Variants in GTF2I observed in about 807,000 individuals in gnomAD.
The protein encoded by GTF2I is general transcription factor II-I.
In GTF2I, 12 loss-of-function variants were observed where a neutral mutation model predicts 67.6. The ratio of observed to expected loss-of-function variants is 0.18; its 90% CI spans 0.11 to 0.29. The LOEUF (loss-of-function observed/expected upper bound fraction) is 0.29, where lower values mean the gene tolerates loss of function less well. GTF2I is among the 10% of genes least tolerant of loss of function. The probability of loss-of-function intolerance (pLI) is 1.00; values close to 1 mark genes in which losing one functional copy is unlikely to be tolerated. For synonymous variants in GTF2I, 149 were observed against 197.0 expected, an observed-to-expected ratio of 0.76 and a Z score of 2.04; for missense variants, 271 against 580.1, an observed-to-expected ratio of 0.47 and a Z score of 5.47.
chr7:74,690,908 C>T, intron 2 of GTF2I, 65 bp from the exon 3 acceptor site: 1 of 1,444,446 alleles, frequency 6.9e-7, no homozygotes, highest in Admixed American at 2.2e-5. Context: ...TTTTTTAATT[C>T]ATCGAGCAGA....
chr7:74,713,657 G>T (rs1316684515), intron 9 of GTF2I, among the ~76,000 whole-genome samples: 1 of 152,068 alleles, frequency 6.6e-6, no homozygotes, highest in Non-Finnish European at 1.5e-5. Flanking sequence ...CTTAATGAGG[G>T]CCTCATTAAA....
chr7:74,726,899 A>AATAGATAGATAG lies in GTF2I; in HGVS notation c.944-1853_944-1842dup, dbSNP rs57432289. The AATAGATAGATAG allele has an allele frequency of 2.0e-3, 290 of 146,564 alleles. 1 individual carries two copies. Among genetic ancestry groups the AATAGATAGATAG allele is most frequent in the African/African-American group, 2.8e-3 (110 of 39,384 alleles). The allele number at this position is 146,564 out of a possible 1,614,324, so 9.1% of individuals were successfully genotyped here. ...TAGATAGATAGAATGAGACCCTGCC[A>AATAGATAGATAG]ATAGATAGATAGATAGATAGATAGA... On this transcript the variant is annotated intron_variant, in intron 12 of 34. Transcript: ENST00000573035.
intron 26 of GTF2I, among the ~76,000 whole-genome samples, chr7:74,750,622 G>A (rs1265922647): frequency 7.2e-5 from 1 of 13,926 alleles, no homozygotes; most frequent in Non-Finnish European, 1.3e-4. Context: ...TTTTTTTTTT[G>A]TGAGACAGAA....
chr7:74,670,540 T>A (rs1805356242), intron 1 of GTF2I, among the ~76,000 whole-genome samples: 1 of 151,806 alleles, frequency 6.6e-6, no homozygotes, highest in Non-Finnish European at 1.5e-5. Flanking sequence ...CTACTAAAAA[T>A]ACAAAAAATT....
chr7:74,726,894 C>T (rs1793871722), intron 12 of GTF2I: 1 of 134,880 alleles, frequency 7.4e-6, no homozygotes. Flanking sequence ...GAATGAGACC[C>T]TGCCAATAGA....
intron 2 of GTF2I, among the ~76,000 whole-genome samples, chr7:74,689,609 C>T (rs587646636): frequency 2.6e-5 from 4 of 152,074 alleles, no homozygotes; most frequent in African/African-American, 4.8e-5. Flanking sequence ...CTGCCTCAGC[C>T]GCCCAAAGTG....
chr7:74,677,806 G>T (rs1424613867), intron 1 of GTF2I, among the ~76,000 whole-genome samples: 1 of 133,566 alleles, frequency 7.5e-6, no homozygotes, highest in Non-Finnish European at 1.6e-5. Context: ...AGTAAATTTG[G>T]GTTTTACAGT....
intron 12 of GTF2I, among the ~76,000 whole-genome samples, chr7:74,726,015 A>G (rs1446889925): frequency 6.6e-6 from 1 of 152,100 alleles, no homozygotes; most frequent in African/African-American, 2.4e-5. Context: ...TTGGATTTGG[A>G]CTGAGATCCA....
At chr7:74,707,325 C>G (rs1370386458) in intron 8 of GTF2I, among the ~76,000 whole-genome samples, 1 of 152,222 alleles carries the variant, frequency 6.6e-6, no homozygotes, top group African/African-American at 2.4e-5. Flanking sequence ...CTGTCACCGC[C>G]CTGCCTGCCC....
intron 1 of GTF2I, among the ~76,000 whole-genome samples, chr7:74,682,325 T>G (rs913144951): frequency 6.6e-5 from 10 of 152,142 alleles, no homozygotes; most frequent in Non-Finnish European, 1.3e-4. Flanking sequence ...AAAACAAAAC[T>G]TTTGTGAAAA....
intron 9 of GTF2I, among the ~76,000 whole-genome samples, chr7:74,712,349 A>T (rs1791662778): frequency 6.6e-6 from 1 of 152,146 alleles, no homozygotes; most frequent in Admixed American, 6.6e-5. Context: ...ACAACGTGTA[A>T]CTATTTCATT....
intron 1 of GTF2I, among the ~76,000 whole-genome samples, chr7:74,659,930 A>G (rs1804320256): frequency 6.6e-6 from 1 of 152,162 alleles, no homozygotes; most frequent in African/African-American, 2.4e-5. Flanking sequence ...TCAGGGAACA[A>G]AAGGGGAAGT....
intron 14 of GTF2I, among the ~76,000 whole-genome samples, chr7:74,732,170 T>C (rs1217591307): frequency 6.7e-6 from 1 of 148,268 alleles, no homozygotes; most frequent in Non-Finnish European, 1.5e-5. Flanking sequence ...CATAAACACA[T>C]ATACATATAT....
intron 3 of GTF2I, among the ~76,000 whole-genome samples, chr7:74,693,339 G>A (rs1020753248): frequency 2.1e-5 from 3 of 144,690 alleles, no homozygotes; most frequent in South Asian, 2.2e-4. Context: ...GCAGTGGTGC[G>A]ATCTCGGCTC....
intron 1 of GTF2I, among the ~76,000 whole-genome samples, chr7:74,680,104 A>G (rs1787119287): frequency 3.5e-5 from 4 of 114,098 alleles, no homozygotes; most frequent in Non-Finnish European, 7.0e-5. Flanking sequence ...AAAAAAATAT[A>G]TATATATATA....
At chr7:74,660,561 T>C (rs921310454) in intron 1 of GTF2I, among the ~76,000 whole-genome samples, 1 of 152,046 alleles carries the variant, frequency 6.6e-6, no homozygotes. Flanking sequence ...TTGTGTGCCC[T>C]TCCTCGCAGG....
At chr7:74,723,318 G>A (rs587736739) in intron 12 of GTF2I, among the ~76,000 whole-genome samples, 136 of 151,172 alleles carry the variant, frequency 9.0e-4, no homozygotes, top group African/African-American at 2.6e-3. Context: ...TAGTAGAGAC[G>A]GGGTTTCACC....
chr7:74,747,808 A>G (rs1271989880), intron 23 of GTF2I, among the ~76,000 whole-genome samples: 112 of 132,852 alleles, frequency 8.4e-4, no homozygotes, highest in African/African-American at 2.6e-3. Context: ...AAAAAAAAAA[A>G]AAGAAGAAGA....
In GTF2I at chr7:74,711,124, T is replaced by C; in HGVS notation, c.763+15T>C. The C allele has an allele frequency of 8.8e-7, 1 of 1,141,526 alleles. No individual in the cohort carries two copies. Among genetic ancestry groups the C allele is most frequent in the Non-Finnish European group, 1.3e-6 (1 of 793,624 alleles). 70.7% of individuals were successfully genotyped at this position (1,141,526 alleles called of 1,614,324 possible). Reference sequence around the variant, plus strand: ...TAACATTCAAGGTAATTTGAATTAATGCAATTTTTCTTTCTAAAAATTATT... The same window carrying C: ...TAACATTCAAGGTAATTTGAATTAACGCAATTTTTCTTTCTAAAAATTATT... On this transcript the variant is annotated intron_variant, in intron 9 of 34. Coordinates refer to ENST00000573035, the MANE Select transcript of GTF2I (RefSeq NM_032999.4).
Sources: allele counts gnomAD v4.1 joint callset (sites outside exome capture counted in the v4.1 genomes callset), GRCh38; gene constraint gnomAD v4.1.1; transcripts MANE v1.5; gene names NCBI Gene and HGNC (gene_info 2026-07-23, HGNC 2026-07-21).